RPAP1: variants seen among roughly 807,000 people sequenced by gnomAD.
RPAP1 encodes RNA polymerase II-associated protein 1.
In RPAP1, 109 loss-of-function variants were observed where a neutral mutation model predicts 142.4. The observed-to-expected ratio is 0.77, with a 90% confidence interval of 0.66 to 0.90. The LOEUF is 0.90. Ranked by LOEUF, RPAP1 falls within the 40% of genes least tolerant of loss-of-function variation. RPAP1 has a pLI of 0.00. For missense variants in RPAP1, 1,546 were observed against 1,751.7 expected (o/e 0.88, Z 2.10); for synonymous variants, 704 against 738.9 (o/e 0.95, Z 0.77).
chr15:41,536,688 C>T (rs1443767587), intron 2 of RPAP1, 39 bp from the exon 3 acceptor site: 4 of 1,603,492 alleles, frequency 2.5e-6, no homozygotes, highest in Admixed American at 3.4e-5. Flanking sequence ...TATATGCACA[C>T]CTTCCTAGGA....
chr15:41,522,389 T>C (rs2051736236), intron 19 of RPAP1, 139 bp from the exon 20 acceptor site: 2 of 825,998 alleles, frequency 2.4e-6, no homozygotes, highest in East Asian at 2.7e-5. Flanking sequence ...ACCCTCCCAC[T>C]TTCTTTTTGG....
chr15:41,532,881 A>C (rs1216713981), intron 6 of RPAP1, among the ~76,000 whole-genome samples: 1 of 147,408 alleles, frequency 6.8e-6, no homozygotes, highest in Non-Finnish European at 1.5e-5. Flanking sequence ...CAGGAGGCTG[A>C]GGCAGGAAAA....
intron 1 of RPAP1, among the ~76,000 whole-genome samples, chr15:41,540,388 G>A (rs571127770): frequency 6.7e-6 from 1 of 149,726 alleles, no homozygotes; most frequent in South Asian, 2.1e-4. Context: ...TGCAACCTCC[G>A]CCTCCCAGGT....
At position 41,525,071 on chromosome 15, in the gene RPAP1, C is replaced by T. The variant is rs1248867066; in HGVS notation, c.1995G>A (p.Glu665=). ...CCTCGGTGCTCAGCATCTCAGCTTC[C>T]TCTGGGGGCAAGGCCAGTTCTTGGG... The part of the protein sequence containing the change: ...EAPQELALPP[E]EAEMLSTEAL... The change falls in exon 15 of 25, where the codon GAG becomes GAA. Residue 665 remains glutamate (E), a synonymous_variant. Coordinates refer to ENST00000304330, the MANE Select transcript of RPAP1 (RefSeq NM_015540.4). 6.2e-7 allele frequency: 1 copy of T among 1,614,116 alleles called. No homozygotes were observed. Among genetic ancestry groups the T allele is most frequent in the Admixed American group, 1.7e-5 (1 of 60,012 alleles).
rs2140771475 is a variant in RPAP1, at chr15:41,528,043, T to C, written c.1261-16A>G. ...CAGCCTGGGCCTGAGGGCAGGAGGG[T>C]AAAACCTTGCTGAAGATGCTGAAGT... On this transcript the variant is annotated splice_polypyrimidine_tract_variant and intron_variant, in intron 10 of 24. Coordinates refer to ENST00000304330, the MANE Select transcript of RPAP1 (RefSeq NM_015540.4). 1.2e-6 allele frequency: 2 copies of C among 1,612,598 alleles called. No individual in the cohort carries two copies. The highest frequency in any genetic ancestry group is 1.7e-6 in the Non-Finnish European group (2 of 1,179,386).
At chr15:41,533,124 A>G (rs1042259052) in intron 6 of RPAP1, among the ~76,000 whole-genome samples, 1 of 151,856 alleles carries the variant, frequency 6.6e-6, no homozygotes, top group Admixed American at 6.6e-5. Flanking sequence ...TCATAAGTAA[A>G]ATAGGGTTAA....
intron 16 of RPAP1, 47 bp from the exon 17 acceptor site, chr15:41,524,019 C>T (rs373352914): frequency 9.3e-6 from 15 of 1,610,340 alleles, no homozygotes; most frequent in Admixed American, 5.0e-5. Context: ...GGCTGCCTCA[C>T]GCCCCTTTAC....
intron 13 of RPAP1, 25 bp downstream of exon 13, chr15:41,527,142 C>T: frequency 6.2e-7 from 1 of 1,613,782 alleles, no homozygotes; most frequent in African/African-American, 1.3e-5. Flanking sequence ...GCTTTTTGCC[C>T]ATTCCCTGCT....
In RPAP1 at chr15:41,537,019, C is replaced by T; in HGVS notation, c.107G>A (p.Gly36Glu). The T allele has an allele frequency of 6.2e-7, 1 of 1,614,150 alleles. No homozygotes were observed. Among genetic ancestry groups the T allele is most frequent in the East Asian group, 2.2e-5 (1 of 44,868 alleles). The change falls in exon 2 of 25, where the codon GGA (glycine) becomes GAA (glutamate). Residue 36 changes from glycine to glutamate, a missense_variant. Gly to Glu is a moderately conservative substitution (Grantham distance 98). Around this residue, in one of 3 missense-constraint regions of RPAP1, gnomAD observed 1,333 missense variants for 1,486.6 expected, o/e 0.90. Coordinates refer to ENST00000304330, the MANE Select transcript of RPAP1 (RefSeq NM_015540.4). ...GTTGGCATCACCACCGCCCCTATTT[C>T]CTTTCTTCACCAACTGCACTGCTGG... is the stretch of plus-strand genomic sequence containing the variant. ...AAPAVQLVKK[G>E]NRGGGDANSD...
chr15:41,532,692 G>A (rs1003904652), intron 6 of RPAP1, among the ~76,000 whole-genome samples: 3 of 151,902 alleles, frequency 2.0e-5, no homozygotes, highest in African/African-American at 7.3e-5. Context: ...GTAGGGCCTC[G>A]GCTGGGCACG....
chr15:41,521,741 A>T lies in RPAP1; in HGVS notation c.3035T>A (p.Leu1012His). The change falls in exon 21 of 25, where the codon CTC becomes CAC. Residue 1012 changes from leucine (L) to histidine (H), a missense_variant. Around this residue, in one of 3 missense-constraint regions of RPAP1, gnomAD observed 1,333 missense variants for 1,486.6 expected, o/e 0.90. Coordinates refer to ENST00000304330, the MANE Select transcript of RPAP1 (RefSeq NM_015540.4). ...ATGCCACCAACCAAGCACTTACGGG[A>T]GGAACTCCAGCCGGAATACACAGCT... The part of the protein sequence containing the change: ...LLSCVFRLEF[L>H]PERTSGGPEA... 6.2e-7 allele frequency: 1 copy of T among 1,614,090 alleles called. No individual in the cohort carries two copies. The highest frequency in any genetic ancestry group is 8.5e-7 in the Non-Finnish European group (1 of 1,180,006).
At position 41,534,797 on chromosome 15, in the gene RPAP1, A is replaced by G. The variant is rs1479556456; in HGVS notation, c.680T>C (p.Ile227Thr). 4 of 1,613,912 alleles carry G rather than the reference A, an allele frequency of 2.5e-6. No individual in the cohort carries two copies. The South Asian group carries it at 3.3e-5, about 13-fold the overall frequency. ...DQEAEQEAQT[I>T]HEENIARLQA... Reference sequence around the variant, plus strand: ...CAGTCTTGCTATGTTCTCTTCATGGATAGTCTGGGCTTCCTGCTCAGCTTC... The same window carrying G: ...CAGTCTTGCTATGTTCTCTTCATGGGTAGTCTGGGCTTCCTGCTCAGCTTC... Residue 227 changes from isoleucine to threonine, a missense_variant, in exon 6 of 25, where the codon ATC (isoleucine) becomes ACC (threonine). By Grantham distance (89) the Ile-to-Thr change is moderately conservative (BLOSUM62 -1). Coordinates refer to ENST00000304330, the MANE Select transcript of RPAP1 (RefSeq NM_015540.4).
In RPAP1 at chr15:41,517,776, C is replaced by T. The variant is rs765958730; in HGVS notation, c.4032+22G>A. The stretch of plus-strand genomic sequence containing the variant: ...CCCCAAGATCCTCTAATATCCCACC[C>T]TCCTAATGGCCCTGACCCTACCTCA... On this transcript the variant is annotated intron_variant, in intron 24 of 24. Coordinates refer to ENST00000304330, the MANE Select transcript of RPAP1 (RefSeq NM_015540.4). The T allele has an allele frequency of 3.1e-6, 5 of 1,614,176 alleles. No individual in the cohort carries two copies. In the South Asian group the frequency reaches 3.3e-5, roughly 11 times the overall value.
chr15:41,536,696 G>A (rs1188390748), intron 2 of RPAP1, 47 bp from the exon 3 acceptor site: 1 of 1,596,684 alleles, frequency 6.3e-7, no homozygotes, highest in Non-Finnish European at 8.5e-7. Context: ...CACCTTCCTA[G>A]GAAGACACTG....
intron 14 of RPAP1, 89 bp downstream of exon 14, chr15:41,526,809 T>C: frequency 3.0e-6 from 4 of 1,327,498 alleles, no homozygotes; most frequent in Non-Finnish European, 4.1e-6. Context: ...TGGCAAGAGC[T>C]GGCCACCCAG....
intron 7 of RPAP1, among the ~76,000 whole-genome samples, chr15:41,530,527 T>A (rs928371): frequency 0.073 from 11,156 of 152,266 alleles, 660 homozygotes; most frequent in East Asian, 0.34. Context: ...TCTTATTTTG[T>A]TAATCACTAA....
rs1282318051 is a variant in RPAP1, at chr15:41,520,738, C to G, written c.3448G>C (p.Val1150Leu). Residue 1150 changes from valine to leucine, a missense_variant, in exon 22 of 25, where the codon GTG (valine) becomes CTG (leucine). Transcript: ENST00000304330. ...ESWRPQALWA[V>L]PPAARLARLM... is the part of the protein sequence containing the mutation. ...CGTGCCAGGCGGGCAGCAGGGGGCA[C>G]AGCCCAGAGAGCCTGGGGGCGCCAG... 1.9e-6 allele frequency: 3 copies of G among 1,613,798 alleles called. No individual in the cohort carries two copies. In the Admixed American group the frequency reaches 5.0e-5, roughly 27 times the overall value.
chr15:41,521,641 G>T (rs1249545315), intron 21 of RPAP1, 97 bp downstream of exon 21: 5 of 1,395,750 alleles, frequency 3.6e-6, no homozygotes, highest in South Asian at 1.4e-5. Flanking sequence ...GGAAGAAAGA[G>T]AATTTAGGTC....
At position 41,529,892 on chromosome 15, in the gene RPAP1, G is replaced by A; in HGVS notation, c.1031C>T (p.Pro344Leu). 1 of 1,612,462 alleles carries A rather than the reference G, an allele frequency of 6.2e-7. No individual in the cohort carries two copies. Among genetic ancestry groups the A allele is most frequent in the Non-Finnish European group, 8.5e-7 (1 of 1,179,186 alleles). The change falls in exon 8 of 25, where the codon CCC becomes CTC. Residue 344 changes from proline to leucine, a missense_variant. Transcript: ENST00000304330. ...CTGTGTCTGCTGCCGCCGGACAGGGGGCAAGTCCTGGGTCCAGTGGAGCTT... is the reference window on the plus strand; with the variant it reads ...CTGTGTCTGCTGCCGCCGGACAGGGAGCAAGTCCTGGGTCCAGTGGAGCTT... ...LEKLHWTQDLPPVRRQQTQER... is the reference protein window; with the variant it reads ...LEKLHWTQDLLPVRRQQTQER...
Sources: allele counts gnomAD v4.1 joint callset (sites outside exome capture counted in the v4.1 genomes callset), GRCh38; gene constraint gnomAD v4.1.1; regional missense constraint gnomAD v4.1.1; transcripts MANE v1.5; gene names NCBI Gene and HGNC (gene_info 2026-07-23, HGNC 2026-07-21).